The following MEIS2 variants were observed in gnomAD, a reference collection of about 807,000 sequenced individuals.
The protein encoded by MEIS2 is homeobox protein Meis2.
Under a neutral mutation model 58.6 loss-of-function variants are expected in MEIS2, and 9 were observed. The observed-to-expected ratio is 0.15, with a 90% CI of 0.09 to 0.27. MEIS2 has a LOEUF of 0.27. MEIS2 is among the 10% of genes least tolerant of loss of function. The probability of loss-of-function intolerance (pLI) is 1.00; values close to 1 mark genes in which losing one functional copy is unlikely to be tolerated. For missense variants in MEIS2, 427 were observed against 635.0 expected (o/e 0.67, Z 3.52); for synonymous variants, 221 against 228.4 (o/e 0.97, Z 0.29).
At chr15:36,896,920 A>G (rs2056208134) in intron 9 of MEIS2, 2 of 433,718 alleles carry the variant, frequency 4.6e-6, no homozygotes, top group Non-Finnish European at 8.3e-6. Flanking sequence ...GACGGAATAA[A>G]GTTCTCCATG....
intron 8 of MEIS2, among the ~76,000 whole-genome samples, chr15:37,031,485 G>A (rs968924890): frequency 3.5e-5 from 5 of 144,724 alleles, no homozygotes; most frequent in South Asian, 2.4e-4. Context: ...CTAAGTTTAC[G>A]GTCATATGGT....
At chr15:36,983,311 A>G (rs1344435858) in intron 8 of MEIS2, among the ~76,000 whole-genome samples, 1 of 152,056 alleles carries the variant, frequency 6.6e-6, no homozygotes, top group East Asian at 1.9e-4. Context: ...ATTCATTTTT[A>G]GCTGCTTTTT....
At chr15:36,978,621 A>T (rs1051562514) in intron 8 of MEIS2, among the ~76,000 whole-genome samples, 16 of 152,224 alleles carry the variant, frequency 1.1e-4, no homozygotes, top group Non-Finnish European at 1.6e-4. Context: ...CAAATAATCT[A>T]CCATCCAGAA....
At chr15:36,975,803 A>C (rs2059728704) in intron 8 of MEIS2, among the ~76,000 whole-genome samples, 1 of 152,312 alleles carries the variant, frequency 6.6e-6, no homozygotes, top group Non-Finnish European at 1.5e-5. Context: ...ATCGTACAGC[A>C]TGGTGACTAC....
chr15:37,068,378 C>T (rs11852749), intron 7 of MEIS2, among the ~76,000 whole-genome samples: 117,271 of 152,098 alleles, frequency 0.77, 45,289 homozygotes, highest in Admixed American at 0.81. Context: ...TGGTGACTGA[C>T]GCTTTGACAA....
At position 37,057,127 on chromosome 15, in the gene MEIS2, G is replaced by C. The variant is rs781740532; in HGVS notation, c.755-20168C>G. ...CCTCACGGCACCTAGCCTGTAACTG[G>C]AAGATTACCGAATTGATGGATCCTT... On this transcript the variant is annotated intron_variant, in intron 7 of 11. Coordinates refer to ENST00000561208, the MANE Select transcript of MEIS2 (RefSeq NM_170675.5). Among the ~76,000 whole-genome samples the C allele has an allele frequency of 1.8e-4, 28 of 152,208 alleles. 1 individual carries two copies. The highest frequency in any genetic ancestry group is 3.8e-4 in the Non-Finnish European group (26 of 68,036).
chr15:36,990,120 T>C (rs944508994), intron 8 of MEIS2, among the ~76,000 whole-genome samples: 1 of 152,110 alleles, frequency 6.6e-6, no homozygotes, highest in African/African-American at 2.4e-5. Context: ...AAATTTTTTG[T>C]ATTTTTAGTA....
In MEIS2 at chr15:37,008,505, G is replaced by T. The variant is rs187031170; in HGVS notation, c.900+28309C>A. Among the ~76,000 whole-genome samples the T allele has an allele frequency of 7.9e-5, 12 of 152,214 alleles. No individual in the cohort carries two copies. In the East Asian group the frequency reaches 2.3e-3, roughly 29 times the overall value. On this transcript the variant is annotated intron_variant, in intron 8 of 11. Transcript: ENST00000561208. ...CCTTTCAGAAAATTTATTCATTTAA[G>T]TCTTCTTATTTCTATAATAAGTCAC... is the stretch of plus-strand genomic sequence containing the variant.
intron 8 of MEIS2, among the ~76,000 whole-genome samples, chr15:37,032,454 G>A (rs1355738884): frequency 6.6e-6 from 1 of 152,184 alleles, no homozygotes; most frequent in African/African-American, 2.4e-5. Flanking sequence ...AAAAACAGTT[G>A]TAATGGCAGG....
chr15:36,892,239 G>A lies in MEIS2; in HGVS notation c.1368C>T (p.Ser456=). The A allele has an allele frequency of 6.2e-7, 1 of 1,614,124 alleles. No individual in the cohort carries two copies. The highest frequency in any genetic ancestry group is 8.5e-7 in the Non-Finnish European group (1 of 1,180,012). The change falls in exon 12 of 12, where the codon AGC becomes AGT. Residue 456 remains serine, a synonymous_variant. Transcript: ENST00000561208. ...THPGMTMSAQ[S]PTMLNSVDPN... ...GATCTACAGAATTTAACATTGTGGG[G>A]CTCTGTGCTGACATAGTCATTCCAG...
intron 8 of MEIS2, among the ~76,000 whole-genome samples, chr15:36,975,573 C>G (rs2059717489): frequency 6.7e-6 from 1 of 148,750 alleles, no homozygotes; most frequent in African/African-American, 2.5e-5. Flanking sequence ...TGACAACAGT[C>G]TGAGAAGGTA....
chr15:37,094,415 C>A, intron 5 of MEIS2, 112 bp downstream of exon 5: 1 of 1,027,256 alleles, frequency 9.7e-7, no homozygotes, highest in South Asian at 1.6e-5. Flanking sequence ...GTTACATGCT[C>A]AAAATCTCCA....
intron 9 of MEIS2, among the ~76,000 whole-genome samples, chr15:36,916,878 G>T (rs2057302536): frequency 6.6e-6 from 1 of 152,164 alleles, no homozygotes; most frequent in Admixed American, 6.5e-5. Flanking sequence ...CCTATGGAGT[G>T]GATAACATTA....
intron 8 of MEIS2, among the ~76,000 whole-genome samples, chr15:36,956,791 C>A (rs2058992325): frequency 6.7e-6 from 1 of 150,218 alleles, no homozygotes; most frequent in Non-Finnish European, 1.5e-5. Context: ...TCACTTCAGC[C>A]AATAAATTAG....
rs78644163 is a variant in MEIS2, at chr15:37,068,909, A to G, written c.754+14862T>C. ...GCAGCAGGTTTCAAGGTCCCTATCA[A>G]TGTTCAAAGGGAAGCTTCTGTGATA... On this transcript the variant is annotated intron_variant, in intron 7 of 11. Transcript: ENST00000561208. Among the ~76,000 whole-genome samples the G allele has an allele frequency of 8.3e-3, 1,265 of 152,318 alleles. 25 individuals are homozygous for G. Among genetic ancestry groups the G allele is most frequent in the African/African-American group, 0.029 (1,212 of 41,574 alleles).
intron 8 of MEIS2, among the ~76,000 whole-genome samples, chr15:37,009,010 T>C (rs1405152060): frequency 6.6e-6 from 1 of 151,974 alleles, no homozygotes; most frequent in African/African-American, 2.4e-5. Context: ...AAAATAAGGG[T>C]CAGGCGTGGT....
rs945819027 is a variant in MEIS2 at position 36,889,496 on chromosome 15, C to T, written c.*2677G>A. 2.0e-5 allele frequency: 3 copies of T among 152,154 alleles called. No homozygotes were observed. Among genetic ancestry groups the T allele is most frequent in the Admixed American group, 2.0e-4 (3 of 15,284 alleles). 9.4% of individuals were successfully genotyped at this position (152,154 alleles called of 1,614,324 possible). A position where few individuals can be genotyped will look rare whatever the true frequency, so the allele number is the denominator to read the frequency against. ...GCAAACAAATATTACAATTATCATT[C>T]ATCTCCAAATATTTAAGAAGGTTAA... On this transcript the variant is annotated 3_prime_UTR_variant, in exon 12 of 12. Coordinates refer to ENST00000561208, the MANE Select transcript of MEIS2 (RefSeq NM_170675.5).
At chr15:37,000,490 C>A (rs928261161) in intron 8 of MEIS2, among the ~76,000 whole-genome samples, 3 of 152,112 alleles carry the variant, frequency 2.0e-5, no homozygotes, top group Admixed American at 1.3e-4. Flanking sequence ...AAGGAGCAAA[C>A]CCCAGTCTTG....
intron 8 of MEIS2, among the ~76,000 whole-genome samples, chr15:37,007,168 C>T (rs2060952278): frequency 6.6e-6 from 1 of 152,142 alleles, no homozygotes; most frequent in Admixed American, 6.5e-5. Context: ...GATTTCCTTG[C>T]CAGTGTGACC....
Sources: allele counts gnomAD v4.1 joint callset (sites outside exome capture counted in the v4.1 genomes callset), GRCh38; gene constraint gnomAD v4.1.1; transcripts MANE v1.5; gene names NCBI Gene and HGNC (gene_info 2026-07-23, HGNC 2026-07-21).